CACNA1A: variants seen among roughly 807,000 people sequenced by gnomAD.
The protein encoded by CACNA1A is calcium voltage-gated channel subunit alpha1 A.
A neutral mutation model predicts 262.4 loss-of-function variants in CACNA1A; 57 were observed. The observed-to-expected ratio is 0.22, with a 90% CI of 0.18 to 0.27. The LOEUF (loss-of-function observed/expected upper bound fraction) is 0.27, where lower values mean the gene tolerates loss of function less well. Among genes scored for constraint, CACNA1A ranks in the 10% least tolerant of loss-of-function variants. The pLI, the probability that CACNA1A is intolerant of heterozygous loss-of-function variation, is 1.00. For synonymous variants in CACNA1A, 1,431 were observed against 1,419.3 expected (o/e 1.01, Z -0.18); for missense variants, 2,526 against 3,562.8 (o/e 0.71, Z 7.41).
rs1179041999 is a variant in CACNA1A, at chr19:13,247,390, T to C, written c.4867-2125A>G. ...AGATGGGATGTTGTTGTTTCACAAC[T>C]GCCTAAAAAAGGAATTCAGGGGGCC... is the stretch of plus-strand genomic sequence containing the variant. On this transcript the variant is annotated intron_variant, in intron 30 of 46. Coordinates refer to ENST00000360228, the MANE Select transcript of CACNA1A (RefSeq NM_001127222.2). 3.3e-5 allele frequency among the ~76,000 whole-genome samples: 5 copies of C among 152,198 alleles called. No homozygotes were observed. The South Asian group carries it at 8.3e-4, about 25-fold the overall frequency.
At chr19:13,356,571 G>A (rs1486785366) in intron 6 of CACNA1A, among the ~76,000 whole-genome samples, 1 of 152,142 alleles carries the variant, frequency 6.6e-6, no homozygotes, top group South Asian at 2.1e-4. Context: ...CATGCTTCCT[G>A]TCCCACCACT....
rs760265407 is a variant in CACNA1A, at chr19:13,286,575, T to C, written c.3481A>G (p.Arg1161Gly). ...GTQTNSAKTA[R>G]KPDHTTVDIP... ...TCCACTGTGGTGTGGTCGGGTTTCCTGGCAGTCTTAGCTGAATTGGTCTGG... is the reference window on the plus strand; with the variant it reads ...TCCACTGTGGTGTGGTCGGGTTTCCCGGCAGTCTTAGCTGAATTGGTCTGG... Residue 1161 changes from arginine (R) to glycine (G), a missense_variant, in exon 20 of 47, where the codon AGG (arginine) becomes GGG (glycine). By Grantham distance (125) the Arg-to-Gly change is moderately radical. Around this residue, in one of 17 missense-constraint regions of CACNA1A, gnomAD observed 765 missense variants for 748.6 expected, o/e 1.02. Coordinates refer to ENST00000360228, the MANE Select transcript of CACNA1A (RefSeq NM_001127222.2). 10 of 1,544,826 alleles carry C rather than the reference T, an allele frequency of 6.5e-6. No individual in the cohort carries two copies. Among genetic ancestry groups the C allele is most frequent in the Non-Finnish European group, 7.8e-6 (9 of 1,150,388 alleles).
chr19:13,265,246 T>G (rs1000267246), intron 24 of CACNA1A, among the ~76,000 whole-genome samples: 1 of 152,226 alleles, frequency 6.6e-6, no homozygotes, highest in South Asian at 2.1e-4. Context: ...GACACGTGAA[T>G]GCCTCCGGTT....
chr19:13,221,234 C>CTTTCTTTCTTTCTTTCTTTTTCTTTCTT (rs1555734435), intron 38 of CACNA1A, among the ~76,000 whole-genome samples: 1 of 36,304 alleles, frequency 2.8e-5, no homozygotes, highest in Non-Finnish European at 4.7e-5. Flanking sequence ...TTCTTTCTTT[C>CTTTCTTTCTTTCTTTCTTTTTCTTTCTT]TTTTTTTTTT....
intron 37 of CACNA1A, among the ~76,000 whole-genome samples, chr19:13,226,743 C>G (rs1600119205): frequency 6.6e-6 from 1 of 152,210 alleles, no homozygotes. Flanking sequence ...GCGTGCATGG[C>G]CTGCATCAGT....
At chr19:13,421,477 G>A (rs751366526) in intron 3 of CACNA1A, among the ~76,000 whole-genome samples, 2 of 152,086 alleles carry the variant, frequency 1.3e-5, no homozygotes, top group Non-Finnish European at 2.9e-5. Context: ...TAAAAAACCT[G>A]GTGGAAGAGC....
At chr19:13,319,100 G>T (rs1568530145) in intron 10 of CACNA1A, among the ~76,000 whole-genome samples, 1 of 152,002 alleles carries the variant, frequency 6.6e-6, no homozygotes, top group Non-Finnish European at 1.5e-5. Context: ...TCCCTGTGTT[G>T]CCCAGGCTGG....
Position 13,212,115 on chromosome 19 carries a change from A to G in CACNA1A, c.6291T>C (p.Pro2097=), listed in dbSNP as rs781202126. ...QGRAASMPRL[P]AENQRRRGRP... ...TGAAAGCCCTCACCTGGTTCTCTGC[A>G]GGGAGGCGGGGCATGGAGGCAGCCC... Residue 2097 remains proline, a synonymous_variant, in exon 43 of 47, where the codon CCT becomes CCC. Transcript: ENST00000360228. The surrounding 1 kb of genome is among the most constrained non-coding windows in gnomAD (Gnocchi z 5.6). The G allele has an allele frequency of 1.2e-6, 2 of 1,611,268 alleles. No individual in the cohort carries two copies. The highest frequency in any genetic ancestry group is 1.3e-5 in the African/African-American group (1 of 74,896).
chr19:13,246,604 G>A (rs1383153941), intron 30 of CACNA1A, among the ~76,000 whole-genome samples: 2 of 151,826 alleles, frequency 1.3e-5, no homozygotes, highest in East Asian at 3.9e-4. Flanking sequence ...TGGCTCAAGG[G>A]GAAACACAAG....
rs1245568031 is a variant in CACNA1A at position 13,286,983 on chromosome 19, A to G, written c.3090-17T>C. ...TGGTTCTCTCTGAGGAAGGCAAGTG[A>G]ATGAAAAAGAACCAACAACTGATTT... On this transcript the variant is annotated splice_polypyrimidine_tract_variant and intron_variant, in intron 19 of 46. Transcript: ENST00000360228. 5 of 1,542,650 alleles carry G rather than the reference A, an allele frequency of 3.2e-6. No individual in the cohort carries two copies. Among genetic ancestry groups the G allele is most frequent in the Non-Finnish European group, 4.4e-6 (5 of 1,138,018 alleles).
In CACNA1A at chr19:13,332,923, C is replaced by T; in HGVS notation, c.1201G>A (p.Glu401Lys). 2 of 1,611,806 alleles carry T rather than the reference C, an allele frequency of 1.2e-6. No individual in the cohort carries two copies. The highest frequency in any genetic ancestry group is 1.7e-6 in the Non-Finnish European group (2 of 1,178,388). Reference protein sequence around the residue: ...GYMEWISKAEEVILAEDETDG... With the variant: ...GYMEWISKAEKVILAEDETDG... ...GTTTCATCCTCGGCGAGGATCACCT[C>T]TTCTGAAGAGGAAGAGCACAGAGTT... The change falls in exon 9 of 47, where the codon GAG (glutamate) becomes AAG (lysine). Residue 401 changes from glutamate (E) to lysine (K), a missense_variant and splice_region_variant. Coordinates refer to ENST00000360228, the MANE Select transcript of CACNA1A (RefSeq NM_001127222.2).
At chr19:13,247,766 C>T (rs998186498) in intron 30 of CACNA1A, among the ~76,000 whole-genome samples, 13 of 149,194 alleles carry the variant, frequency 8.7e-5, no homozygotes, top group African/African-American at 3.0e-4. Flanking sequence ...GTCCCACTGG[C>T]ACTTTTGGCA....
At chr19:13,489,479 G>A (rs1448961236) in intron 1 of CACNA1A, among the ~76,000 whole-genome samples, 14 of 152,010 alleles carry the variant, frequency 9.2e-5, no homozygotes, top group African/African-American at 2.7e-4. Context: ...TTGTAGAGAC[G>A]GGGTTTCACC....
At chr19:13,349,177 T>A (rs1038236577) in intron 6 of CACNA1A, among the ~76,000 whole-genome samples, 1 of 152,130 alleles carries the variant, frequency 6.6e-6, no homozygotes, top group Non-Finnish European at 1.5e-5. Context: ...GGGCCTCCGT[T>A]TCCTCATCTG....
Position 13,214,067 on chromosome 19 carries a change from G to T in CACNA1A, c.5940+166C>A. ...TGGTCTCAAACGATCCCTCTGCCCT[G>T]GCCTCTCAAAGCACTGAGATTGCAG... On this transcript the variant is annotated intron_variant, in intron 40 of 46. Transcript: ENST00000360228. This position sits in a 1 kb window ranked among gnomAD's most constrained non-coding sequence, Gnocchi z 4.1. The T allele has an allele frequency of 1.6e-6, 1 of 620,404 alleles. No individual in the cohort carries two copies. The highest frequency in any genetic ancestry group is 2.9e-6 in the Non-Finnish European group (1 of 344,076). 38.4% of individuals were successfully genotyped at this position (620,404 alleles called of 1,614,324 possible).
At chr19:13,249,997 G>A (rs943048749) in intron 30 of CACNA1A, among the ~76,000 whole-genome samples, 6 of 152,114 alleles carry the variant, frequency 3.9e-5, no homozygotes, top group Non-Finnish European at 8.8e-5. Context: ...GCCACTCACT[G>A]GGGACCTTCA....
rs1335853012 is a variant in CACNA1A at position 13,450,828 on chromosome 19, A to G, written c.539+2048T>C. 6 of 152,046 alleles carry G rather than the reference A, an allele frequency of 3.9e-5. No homozygotes were observed. In the South Asian group the frequency reaches 8.3e-4, roughly 21 times the overall value. 9.4% of individuals were successfully genotyped at this position (152,046 alleles called of 1,614,324 possible). On this transcript the variant is annotated intron_variant, in intron 3 of 46. Transcript: ENST00000360228. ...TGTGCCACTGTACCCAGCTTTATACACTTTTAATTTTTATTTTGTGGAGAT... is the reference window on the plus strand; with the variant it reads ...TGTGCCACTGTACCCAGCTTTATACGCTTTTAATTTTTATTTTGTGGAGAT...
In CACNA1A at chr19:13,209,434, A is replaced by G; in HGVS notation, c.6404T>C (p.Leu2135Pro). The change falls in exon 45 of 47, where the codon CTG (leucine) becomes CCG (proline). Residue 2135 changes from leucine to proline, a missense_variant. Physicochemically the swap from Leu to Pro is moderately conservative, Grantham distance 98 (BLOSUM62 -3). Coordinates refer to ENST00000360228, the MANE Select transcript of CACNA1A (RefSeq NM_001127222.2). The stretch of plus-strand genomic sequence containing the variant: ...GACCCGCTCCAGCGAGTAATCGTCC[A>G]GGCGTCGGGCCTTGGGGCCCAGCAC... ...ASVLGPKARRLDDYSLERVPP... is the reference protein window; with the variant it reads ...ASVLGPKARRPDDYSLERVPP... 1 of 1,386,932 alleles carries G rather than the reference A, an allele frequency of 7.2e-7. No individual in the cohort carries two copies. The highest frequency in any genetic ancestry group is 9.4e-7 in the Non-Finnish European group (1 of 1,066,016). The allele number at this position is 1,386,932 out of a possible 1,614,324, so 85.9% of individuals were successfully genotyped here.
intron 30 of CACNA1A, among the ~76,000 whole-genome samples, chr19:13,247,107 G>A (rs1220699546): frequency 6.6e-6 from 1 of 152,206 alleles, no homozygotes; most frequent in Non-Finnish European, 1.5e-5. Context: ...TCTGGGGTCA[G>A]TGGGACCCAA....
Sources: gnomAD v4.1 joint callset for allele counts (sites outside exome capture counted in the v4.1 genomes callset) on GRCh38, gnomAD v4.1.1 for gene constraint, gnomAD v4.1.1 regional missense constraint, Gnocchi (gnomAD v3.1) non-coding constraint, MANE v1.5 for transcripts, NCBI Gene and HGNC (gene_info 2026-07-23, HGNC 2026-07-21) for gene names.